Variants in ME1 observed in about 807,000 individuals in gnomAD.
ME1 encodes NADP-dependent malic enzyme.
A neutral mutation model predicts 66.4 loss-of-function variants in ME1; 74 were observed. The observed-to-expected ratio is 1.11, with a 90% CI of 0.92 to 1.35. The LOEUF (loss-of-function observed/expected upper bound fraction) is 1.35. ME1 is among the 40% of genes most tolerant of loss of function. The pLI is 0.00. For synonymous variants in ME1, 251 were observed against 235.6 expected (o/e 1.07, Z -0.60); for missense variants, 750 against 694.1 (o/e 1.08, Z -0.90).
chr6:83,315,797 T>C (rs1263671057), intron 5 of ME1, among the ~76,000 whole-genome samples: 2 of 152,048 alleles, frequency 1.3e-5, no homozygotes, highest in African/African-American at 2.4e-5. Context: ...TTTGGGAGCC[T>C]GAAGCAGAAG....
chr6:83,314,088 T>C (rs1197221665), intron 6 of ME1, among the ~76,000 whole-genome samples: 1 of 152,224 alleles, frequency 6.6e-6, no homozygotes, highest in Non-Finnish European at 1.5e-5. Context: ...TTAAATAGTA[T>C]GTGGTTTCTG....
chr6:83,312,897 G>T (rs932813070), intron 6 of ME1, among the ~76,000 whole-genome samples: 2 of 152,112 alleles, frequency 1.3e-5, no homozygotes, highest in Non-Finnish European at 2.9e-5. Flanking sequence ...GGGATTACAG[G>T]CATACGCCAC....
chr6:83,245,371 T>C (rs1209383782), intron 7 of ME1, among the ~76,000 whole-genome samples: 1 of 151,998 alleles, frequency 6.6e-6, no homozygotes, highest in African/African-American at 2.4e-5. Context: ...CATGAACTTC[T>C]TTCCCAAAGT....
chr6:83,417,370 T>TTTGTTGTTG (rs34696787), intron 1 of ME1, among the ~76,000 whole-genome samples: 15 of 149,880 alleles, frequency 1.0e-4, no homozygotes, highest in African/African-American at 2.7e-4. Flanking sequence ...TTTGTTGTTT[T>TTTGTTGTTG]TTGTTGTTGT....
chr6:83,276,853 T>A (rs940104167), intron 6 of ME1, among the ~76,000 whole-genome samples: 2 of 152,198 alleles, frequency 1.3e-5, no homozygotes, highest in Admixed American at 6.5e-5. Flanking sequence ...AGTTTCAGCT[T>A]CCCTGGTCAC....
At chr6:83,382,594 A>G (rs1769427175) in intron 3 of ME1, among the ~76,000 whole-genome samples, 1 of 152,138 alleles carries the variant, frequency 6.6e-6, no homozygotes, top group Non-Finnish European at 1.5e-5. Context: ...AAAGCAATAT[A>G]TGAAACTCTT....
intron 3 of ME1, among the ~76,000 whole-genome samples, chr6:83,371,697 A>G (rs1418614336): frequency 2.6e-5 from 4 of 152,134 alleles, no homozygotes; most frequent in African/African-American, 9.7e-5. Context: ...GATCCCTTCA[A>G]TTCTACTCTA....
At chr6:83,287,768 C>T (rs181216283) in intron 6 of ME1, among the ~76,000 whole-genome samples, 38 of 152,304 alleles carry the variant, frequency 2.5e-4, no homozygotes, top group Non-Finnish European at 3.2e-4. Context: ...ACACTCCCAA[C>T]AATAGTGTAA....
intron 9 of ME1, among the ~76,000 whole-genome samples, chr6:83,235,087 A>C (rs1294913186): frequency 1.3e-5 from 2 of 152,178 alleles, no homozygotes; most frequent in Non-Finnish European, 2.9e-5. Context: ...AATTTAAGAT[A>C]TCCATGGAGA....
intron 6 of ME1, among the ~76,000 whole-genome samples, chr6:83,284,048 G>A (rs1767354323): frequency 6.6e-6 from 1 of 152,066 alleles, no homozygotes; most frequent in Admixed American, 6.6e-5. Context: ...AACAACAAAG[G>A]TGATGTTGCA....
chr6:83,386,838 C>T (rs1308369276), intron 3 of ME1, among the ~76,000 whole-genome samples: 3 of 150,388 alleles, frequency 2.0e-5, no homozygotes, highest in South Asian at 2.1e-4. Flanking sequence ...CTTTCTGCAA[C>T]GTGAGGAAAT....
At chr6:83,242,515 C>A (rs2128526302) in intron 7 of ME1, among the ~76,000 whole-genome samples, 1 of 152,190 alleles carries the variant, frequency 6.6e-6, no homozygotes, top group East Asian at 1.9e-4. Context: ...AGAGTGCATA[C>A]TCCCTGAACA....
chr6:83,319,148 T>C (rs1397516090), intron 5 of ME1, among the ~76,000 whole-genome samples: 3 of 137,650 alleles, frequency 2.2e-5, no homozygotes, highest in African/African-American at 8.1e-5. Flanking sequence ...CTCTGGGGAC[T>C]GTTGTGGGGT....
At position 83,275,764 on chromosome 6, in the gene ME1, C is replaced by CT. The variant is rs869196328; in HGVS notation, c.705-22027dup. Reference sequence around the variant, plus strand: ...ACCGGTGTGAGCCACGGCGCCCGGCCTTTTTTTTTTTTTTTTTTTTTTTTT... The same window carrying CT: ...ACCGGTGTGAGCCACGGCGCCCGGCCTTTTTTTTTTTTTTTTTTTTTTTTTT... On this transcript the variant is annotated intron_variant, in intron 6 of 13. Coordinates refer to ENST00000369705, the MANE Select transcript of ME1 (RefSeq NM_002395.6). Among the ~76,000 whole-genome samples, 231 of 38,052 alleles carry CT rather than the reference C, an allele frequency of 6.1e-3. 46 individuals are homozygous for CT. Among genetic ancestry groups the CT allele is most frequent in the African/African-American group, 0.02 (139 of 7,032 alleles). The allele number at this position is 38,052 out of a possible 152,430, so 25.0% of individuals were successfully genotyped here.
In ME1 at chr6:83,425,396, G is replaced by A. The variant is rs80090742; in HGVS notation, c.78+5481C>T. 5.1e-3 allele frequency among the ~76,000 whole-genome samples: 778 copies of A among 152,254 alleles called. 8 individuals are homozygous for A. Among genetic ancestry groups the A allele is most frequent in the African/African-American group, 0.017 (722 of 41,550 alleles). On this transcript the variant is annotated intron_variant, in intron 1 of 13. Transcript: ENST00000369705. ...TATCCAAGACTGGGAAATTTATAAA[G>A]AAAGATGCTTAATTGACTCACAGTT...
intron 6 of ME1, among the ~76,000 whole-genome samples, chr6:83,259,206 T>G (rs142021430): frequency 1.7e-3 from 259 of 152,316 alleles, no homozygotes; most frequent in Non-Finnish European, 2.7e-3. Flanking sequence ...AGGGATAACT[T>G]ATTCCAAATT....
intron 3 of ME1, among the ~76,000 whole-genome samples, chr6:83,354,402 G>C (rs1768850510): frequency 6.6e-6 from 1 of 152,216 alleles, no homozygotes; most frequent in Non-Finnish European, 1.5e-5. Context: ...AAAGTGTTGG[G>C]ATTATAGGCG....
intron 3 of ME1, among the ~76,000 whole-genome samples, chr6:83,377,219 A>C (rs541591846): frequency 6.6e-6 from 1 of 152,368 alleles, no homozygotes; most frequent in African/African-American, 2.4e-5. Flanking sequence ...ATGGGGTAAC[A>C]AATCCTTTTG....
At chr6:83,380,001 C>T (rs1181330493) in intron 3 of ME1, among the ~76,000 whole-genome samples, 1 of 152,058 alleles carries the variant, frequency 6.6e-6, no homozygotes, top group African/African-American at 2.4e-5. Flanking sequence ...GGGATTCAAA[C>T]CAACCCTCTT....
Sources: allele counts gnomAD v4.1 joint callset (sites outside exome capture counted in the v4.1 genomes callset), GRCh38; gene constraint gnomAD v4.1.1; transcripts MANE v1.5; gene names NCBI Gene and HGNC (gene_info 2026-07-23, HGNC 2026-07-21).